Variants in NCAM2 observed in about 807,000 individuals in gnomAD.
NCAM2 encodes the protein N-CAM-2.
A neutral mutation model predicts 98.1 loss-of-function variants in NCAM2; 30 were observed. The observed-to-expected ratio is 0.31, with a 90% CI of 0.23 to 0.41. NCAM2 has a LOEUF of 0.41. Ranked by LOEUF, NCAM2 falls within the 10% of genes least tolerant of loss-of-function variation. The pLI is 1.00. For synonymous variants in NCAM2, 368 were observed against 342.4 expected, an observed-to-expected ratio of 1.07 and a Z score of -0.83; for missense variants, 867 against 1,005.8, an observed-to-expected ratio of 0.86 and a Z score of 1.87.
At position 21,163,984 on chromosome 21, in the gene NCAM2, G is replaced by A. The variant is rs1277257973; in HGVS notation, c.56-116594G>A. 2.6e-5 allele frequency among the ~76,000 whole-genome samples: 4 copies of A among 152,128 alleles called. No individual in the cohort carries two copies. The South Asian group carries it at 8.3e-4, about 32-fold the overall frequency. On this transcript the variant is annotated intron_variant, in intron 1 of 17. Coordinates refer to ENST00000400546, the MANE Select transcript of NCAM2 (RefSeq NM_004540.5). Reference sequence around the variant, plus strand: ...TCTGGATTAGACCAATGCAATGGATGAGAATTAATAACGATTCCTGGAATC... The same window carrying A: ...TCTGGATTAGACCAATGCAATGGATAAGAATTAATAACGATTCCTGGAATC...
At chr21:21,216,722 G>A (rs1471471947) in intron 1 of NCAM2, among the ~76,000 whole-genome samples, 1 of 152,156 alleles carries the variant, frequency 6.6e-6, no homozygotes, top group Admixed American at 6.5e-5. Context: ...TTTAAGGATA[G>A]GTAGACATGT....
At chr21:21,077,852 C>A (rs1313743286) in intron 1 of NCAM2, among the ~76,000 whole-genome samples, 4 of 152,052 alleles carry the variant, frequency 2.6e-5, no homozygotes, top group Non-Finnish European at 4.4e-5. Context: ...ACTCAATACT[C>A]TCTCAGGGAA....
intron 1 of NCAM2, among the ~76,000 whole-genome samples, chr21:21,080,614 C>CAAA (rs112060723): frequency 8.7e-5 from 5 of 57,260 alleles, no homozygotes; most frequent in African/African-American, 2.4e-4. Flanking sequence ...AAAACTCTGT[C>CAAA]AAAAAAAAAA....
At chr21:21,226,916 A>T (rs763051866) in intron 1 of NCAM2, 1 of 152,052 alleles carries the variant, frequency 6.6e-6, no homozygotes, top group African/African-American at 2.4e-5. Context: ...AAAAATATAC[A>T]TATGATTATC....
chr21:21,231,011 G>A lies in NCAM2; in HGVS notation c.56-49567G>A, dbSNP rs575033989. The stretch of plus-strand genomic sequence containing the variant: ...TTCCGAGGACATTACTCCAGTGTGT[G>A]CTGGATGTGAAATTTTGAAAATTTA... On this transcript the variant is annotated intron_variant, in intron 1 of 17. Coordinates refer to ENST00000400546, the MANE Select transcript of NCAM2 (RefSeq NM_004540.5). Among the ~76,000 whole-genome samples, 12 of 151,420 alleles carry A rather than the reference G, an allele frequency of 7.9e-5. No homozygotes were observed. The South Asian group carries it at 2.5e-3, about 31-fold the overall frequency.
At chr21:21,136,380 A>G (rs540358697) in intron 1 of NCAM2, among the ~76,000 whole-genome samples, 2 of 152,344 alleles carry the variant, frequency 1.3e-5, no homozygotes, top group East Asian at 1.9e-4. Flanking sequence ...ACCACAAATG[A>G]TAACAGCATT....
chr21:21,460,575 C>G (rs573222421), intron 12 of NCAM2, among the ~76,000 whole-genome samples: 8 of 151,908 alleles, frequency 5.3e-5, no homozygotes, highest in Non-Finnish European at 8.8e-5. Flanking sequence ...AACAAGTGCT[C>G]TCATTGGGTC....
At chr21:21,480,366 C>CAAAAAA (rs59203448) in intron 15 of NCAM2, among the ~76,000 whole-genome samples, 19 of 69,926 alleles carry the variant, frequency 2.7e-4, no homozygotes, top group African/African-American at 9.0e-4. Flanking sequence ...GACTCCATCT[C>CAAAAAA]AAAAAAAAAA....
At chr21:21,070,030 G>A (rs754752539) in intron 1 of NCAM2, among the ~76,000 whole-genome samples, 4 of 151,970 alleles carry the variant, frequency 2.6e-5, no homozygotes, top group African/African-American at 7.3e-5. Context: ...ATGCATGCAC[G>A]CTGAATAAGT....
At chr21:21,061,091 T>G (rs951995385) in intron 1 of NCAM2, among the ~76,000 whole-genome samples, 7 of 152,146 alleles carry the variant, frequency 4.6e-5, no homozygotes, top group African/African-American at 1.7e-4. Flanking sequence ...ATATGTGACG[T>G]TTCAGAGTAG....
chr21:21,101,844 G>C (rs1276729595), intron 1 of NCAM2, among the ~76,000 whole-genome samples: 1 of 152,036 alleles, frequency 6.6e-6, no homozygotes, highest in African/African-American at 2.4e-5. Context: ...TTCATCTGTT[G>C]ATTTTATAAA....
intron 1 of NCAM2, among the ~76,000 whole-genome samples, chr21:21,243,801 G>A (rs2071161618): frequency 1.3e-5 from 2 of 152,186 alleles, no homozygotes; most frequent in African/African-American, 2.4e-5. Context: ...GGAAAGAATA[G>A]ATAGAGGGTT....
At chr21:21,154,389 A>G (rs539900037) in intron 1 of NCAM2, among the ~76,000 whole-genome samples, 12 of 152,024 alleles carry the variant, frequency 7.9e-5, no homozygotes, top group African/African-American at 2.9e-4. Context: ...TGGATAGCAT[A>G]GTATATGCTA....
At chr21:21,272,832 G>C (rs2147442056) in intron 1 of NCAM2, among the ~76,000 whole-genome samples, 1 of 151,896 alleles carries the variant, frequency 6.6e-6, no homozygotes, top group East Asian at 1.9e-4. Flanking sequence ...CTTGAATTTT[G>C]ATATGCCAAA....
intron 1 of NCAM2, among the ~76,000 whole-genome samples, chr21:21,066,180 C>T (rs1183066608): frequency 6.6e-6 from 1 of 151,990 alleles, no homozygotes; most frequent in Non-Finnish European, 1.5e-5. Flanking sequence ...AAAAGAGATT[C>T]ATCTTTTGCT....
At chr21:21,092,708 G>T (rs1219416355) in intron 1 of NCAM2, among the ~76,000 whole-genome samples, 1 of 151,872 alleles carries the variant, frequency 6.6e-6, no homozygotes, top group African/African-American at 2.4e-5. Context: ...TGAGTGTCTT[G>T]ATTCCTAGCT....
intron 1 of NCAM2, among the ~76,000 whole-genome samples, chr21:21,049,871 CAAA>C (rs11412655): frequency 5.7e-5 from 8 of 139,736 alleles, no homozygotes; most frequent in African/African-American, 2.1e-4. Context: ...AACTCCATCT[CAAA>C]AAAAAAAAAA....
At chr21:21,335,208 G>A (rs2074827461) in intron 6 of NCAM2, among the ~76,000 whole-genome samples, 1 of 151,536 alleles carries the variant, frequency 6.6e-6, no homozygotes, top group Non-Finnish European at 1.5e-5. Flanking sequence ...TGTTTTTTTT[G>A]CCAATAATCA....
chr21:21,178,937 G>A (rs1358250226), intron 1 of NCAM2, among the ~76,000 whole-genome samples: 4 of 152,012 alleles, frequency 2.6e-5, no homozygotes, highest in African/African-American at 7.2e-5. Context: ...CACAAAGGTG[G>A]TGTCTACCTT....
Sources: allele counts gnomAD v4.1 joint callset (sites outside exome capture counted in the v4.1 genomes callset), GRCh38; gene constraint gnomAD v4.1.1; transcripts MANE v1.5; gene names NCBI Gene and HGNC (gene_info 2026-07-23, HGNC 2026-07-21).